VPS13B: variants seen among roughly 807,000 people sequenced by gnomAD.
The protein encoded by VPS13B is intermembrane lipid transfer protein VPS13B.
In VPS13B, 285 loss-of-function variants were observed where a neutral mutation model predicts 426.4. The ratio of observed to expected loss-of-function variants is 0.67; its 90% CI spans 0.61 to 0.74. VPS13B has a LOEUF of 0.74. Among genes scored for constraint, VPS13B ranks in the 30% least tolerant of loss-of-function variants. The probability of loss-of-function intolerance (pLI) is 0.00; values close to 1 mark genes in which losing one functional copy is unlikely to be tolerated. For synonymous variants in VPS13B, 1,676 were observed against 1,676.4 expected (o/e 1.00, Z 0.01); for missense variants, 4,537 against 4,782.6 (o/e 0.95, Z 1.51).
intron 25 of VPS13B, among the ~76,000 whole-genome samples, chr8:99,484,311 C>T (rs1260431820): frequency 6.6e-6 from 1 of 152,126 alleles, no homozygotes; most frequent in East Asian, 1.9e-4. Context: ...TGAAAATGCT[C>T]ATAGTAGATT....
rs747441995 is a variant in VPS13B at position 99,776,962 on chromosome 8, CT to C, written c.7429+14del. ...CCTTGACCAACTAGGCACAGGTACT[CT>C]TTTTTTTAGCATCAGAATAACATCC... is the stretch of plus-strand genomic sequence containing the variant. On this transcript the variant is annotated splice_region_variant and intron_variant, in intron 41 of 61. Transcript: ENST00000357162. 14 of 1,611,560 alleles carry C rather than the reference CT, an allele frequency of 8.7e-6. No individual in the cohort carries two copies. The highest frequency in any genetic ancestry group is 1.2e-5 in the Non-Finnish European group (14 of 1,177,910).
At chr8:99,411,034 G>T (rs541138032) in intron 21 of VPS13B, among the ~76,000 whole-genome samples, 19 of 152,304 alleles carry the variant, frequency 1.2e-4, no homozygotes, top group African/African-American at 4.6e-4. Context: ...ACGTGTGCAT[G>T]TGTCTTTATA....
chr8:99,161,135 A>G (rs1010810534), intron 15 of VPS13B, among the ~76,000 whole-genome samples: 4 of 152,180 alleles, frequency 2.6e-5, no homozygotes, highest in Non-Finnish European at 5.9e-5. Context: ...AATGCTTTAT[A>G]CTCTATAATT....
intron 19 of VPS13B, among the ~76,000 whole-genome samples, chr8:99,354,305 T>TTTTTTTTG (rs1812064015): frequency 7.7e-6 from 1 of 130,522 alleles, no homozygotes; most frequent in Non-Finnish European, 1.6e-5. Flanking sequence ...TTTTTTTTTT[T>TTTTTTTTG]GGTATTTCAG....
chr8:99,168,258 T>C (rs1277073178), intron 15 of VPS13B, among the ~76,000 whole-genome samples: 1 of 152,086 alleles, frequency 6.6e-6, no homozygotes, highest in Admixed American at 6.6e-5. Flanking sequence ...TAATAAAGAC[T>C]TTTAAAAAAA....
At chr8:99,151,012 A>G (rs746965938) in intron 14 of VPS13B, among the ~76,000 whole-genome samples, 1 of 152,202 alleles carries the variant, frequency 6.6e-6, no homozygotes, top group South Asian at 2.1e-4. Context: ...AGTGAATAAG[A>G]GTTCCTGTTT....
chr8:99,669,875 A>G (rs148019195), intron 35 of VPS13B, among the ~76,000 whole-genome samples: 1 of 152,244 alleles, frequency 6.6e-6, no homozygotes, highest in African/African-American at 2.4e-5. Flanking sequence ...TTTATAGGTT[A>G]CAATGATTTT....
In VPS13B at chr8:99,500,562, A is replaced by G. The variant is rs991993473; in HGVS notation, c.3871-1125A>G. Among the ~76,000 whole-genome samples the G allele has an allele frequency of 2.0e-4, 30 of 152,300 alleles. 1 individual carries two copies. Among genetic ancestry groups the G allele is most frequent in the Middle Eastern group, 6.8e-3 (2 of 294 alleles). ...ACTTGCCTCAAATCACTTGACTGGC[A>G]TCTGACTTCGTTAACCCAGTACACC... On this transcript the variant is annotated intron_variant, in intron 25 of 61. Coordinates refer to ENST00000357162, the MANE Select transcript of VPS13B (RefSeq NM_152564.5).
intron 3 of VPS13B, among the ~76,000 whole-genome samples, chr8:99,052,942 C>T (rs1843639035): frequency 6.6e-6 from 1 of 151,866 alleles, no homozygotes; most frequent in Non-Finnish European, 1.5e-5. Flanking sequence ...ATTACTCTTG[C>T]TAGCGGTCTA....
At chr8:99,565,000 A>G (rs145599095) in intron 31 of VPS13B, among the ~76,000 whole-genome samples, 1 of 152,346 alleles carries the variant, frequency 6.6e-6, no homozygotes, top group East Asian at 1.9e-4. Flanking sequence ...GATGTCTGCC[A>G]TGTGCAGTTT....
intron 32 of VPS13B, among the ~76,000 whole-genome samples, 200 bp from the exon 33 acceptor site, chr8:99,577,290 C>T (rs1390244114): frequency 6.6e-6 from 1 of 152,122 alleles, no homozygotes; most frequent in Admixed American, 6.6e-5. Flanking sequence ...CAACACACAG[C>T]AGGCCCTCAT....
intron 21 of VPS13B, among the ~76,000 whole-genome samples, chr8:99,430,615 T>G (rs1817039504): frequency 6.6e-6 from 1 of 152,102 alleles, no homozygotes; most frequent in African/African-American, 2.4e-5. Flanking sequence ...TTTTAAATAA[T>G]ATAGGGAGTG....
chr8:99,665,902 C>A (rs1025296556), intron 35 of VPS13B, among the ~76,000 whole-genome samples: 4 of 152,062 alleles, frequency 2.6e-5, no homozygotes, highest in African/African-American at 9.7e-5. Context: ...CTATAAATTA[C>A]CTTGGGCAGT....
At chr8:99,487,916 C>T (rs1820396737) in intron 25 of VPS13B, among the ~76,000 whole-genome samples, 1 of 152,090 alleles carries the variant, frequency 6.6e-6, no homozygotes, top group African/African-American at 2.4e-5. Flanking sequence ...AACACTGGTG[C>T]ACAAGGGTTG....
intron 33 of VPS13B, among the ~76,000 whole-genome samples, chr8:99,631,869 G>T (rs901222149): frequency 1.3e-5 from 2 of 151,850 alleles, no homozygotes; most frequent in Admixed American, 6.6e-5. Flanking sequence ...ATGAATGAAT[G>T]ATGTGAAATT....
At chr8:99,366,721 T>C (rs1812914005) in intron 19 of VPS13B, among the ~76,000 whole-genome samples, 1 of 152,026 alleles carries the variant, frequency 6.6e-6, no homozygotes. Flanking sequence ...ATGATGGTAT[T>C]ATTTAATTTC....
Position 99,853,203 on chromosome 8 carries a change from A to C in VPS13B, c.10062-248A>C, listed in dbSNP as rs961717728. On this transcript the variant is annotated intron_variant, in intron 55 of 61. Transcript: ENST00000357162. Reference sequence around the variant, plus strand: ...ATTTTGGGGTAAAAATCTGGTGTTGATAAGGGAAACATAAGGAAACATGAC... The same window carrying C: ...ATTTTGGGGTAAAAATCTGGTGTTGCTAAGGGAAACATAAGGAAACATGAC... Among the ~76,000 whole-genome samples, 89 of 152,196 alleles carry C rather than the reference A, an allele frequency of 5.8e-4. 3 individuals carry two copies. Among genetic ancestry groups the C allele is most frequent in the Admixed American group, 6.5e-5 (1 of 15,280 alleles).
At chr8:99,779,800 T>C (rs889567494) in intron 42 of VPS13B, among the ~76,000 whole-genome samples, 1 of 152,336 alleles carries the variant, frequency 6.6e-6, no homozygotes, top group South Asian at 2.1e-4. Flanking sequence ...TTTAGTGTTA[T>C]ATTGTATTTC....
At chr8:99,170,942 A>G (rs1206813235) in intron 16 of VPS13B, among the ~76,000 whole-genome samples, 2 of 151,788 alleles carry the variant, frequency 1.3e-5, no homozygotes, top group Admixed American at 6.6e-5. Context: ...TAAAAATGAC[A>G]TAACCTTTAG....
Sources: allele counts gnomAD v4.1 joint callset (sites outside exome capture counted in the v4.1 genomes callset), GRCh38; gene constraint gnomAD v4.1.1; transcripts MANE v1.5; gene names NCBI Gene and HGNC (gene_info 2026-07-23, HGNC 2026-07-21).